The following BCKDHB variants were observed in gnomAD, a reference collection of about 807,000 sequenced individuals.
BCKDHB encodes the protein branched chain keto acid dehydrogenase E1 subunit beta.
BCKDHB carries 41 observed loss-of-function variants against 48.5 expected under a neutral mutation model. The ratio of observed to expected loss-of-function variants is 0.85; its 90% CI spans 0.66 to 1.10. BCKDHB has a LOEUF of 1.10. Among genes scored for constraint, BCKDHB ranks in the 50% least tolerant of loss-of-function variants. BCKDHB has a pLI of 0.00. For missense variants in BCKDHB, 496 were observed against 494.2 expected, an observed-to-expected ratio of 1.00 and a Z score of -0.03; for synonymous variants, 201 against 174.8, an observed-to-expected ratio of 1.15 and a Z score of -1.18.
intron 8 of BCKDHB, among the ~76,000 whole-genome samples, chr6:80,260,536 A>T (rs1777255978): frequency 6.6e-6 from 1 of 152,178 alleles, no homozygotes; most frequent in Non-Finnish European, 1.5e-5. Context: ...GAGCCATAGA[A>T]TCCTTTTTCC....
At chr6:80,328,930 A>G (rs749040942) in intron 9 of BCKDHB, among the ~76,000 whole-genome samples, 7 of 152,122 alleles carry the variant, frequency 4.6e-5, no homozygotes, top group Middle Eastern at 3.2e-3. Flanking sequence ...TAAAAATACA[A>G]TCTTTGTGCA....
At chr6:80,194,902 C>A (rs184276707) in intron 6 of BCKDHB, among the ~76,000 whole-genome samples, 2 of 152,284 alleles carry the variant, frequency 1.3e-5, no homozygotes, top group Admixed American at 6.5e-5. Context: ...CTCAGTAAAA[C>A]CTTGTCATGC....
intron 8 of BCKDHB, among the ~76,000 whole-genome samples, chr6:80,208,053 A>T (rs1024590181): frequency 6.6e-6 from 1 of 151,832 alleles, no homozygotes; most frequent in Admixed American, 6.6e-5. Flanking sequence ...AATATGTAGC[A>T]TTTGTCAAAA....
the BCKDHB span, among the ~76,000 whole-genome samples, chr6:80,446,055 T>G: frequency 2.6e-4 from 39 of 152,296 alleles, no homozygotes; most frequent in African/African-American, 8.7e-4. Context: ...TGAGATTTGT[T>G]TGGAAAAATG....
chr6:80,385,424 G>A, the BCKDHB span, among the ~76,000 whole-genome samples: 1 of 152,230 alleles, frequency 6.6e-6, no homozygotes, highest in African/African-American at 2.4e-5. Context: ...GAATGCGGAT[G>A]TGTGGGAGGA....
At chr6:80,414,018 T>C in the BCKDHB span, among the ~76,000 whole-genome samples, 3 of 152,184 alleles carry the variant, frequency 2.0e-5, no homozygotes, top group Non-Finnish European at 4.4e-5. Context: ...TGGTATCTCG[T>C]TGTAGTTTGA....
At chr6:80,329,025 G>A (rs1262572585) in intron 9 of BCKDHB, among the ~76,000 whole-genome samples, 5 of 152,086 alleles carry the variant, frequency 3.3e-5, no homozygotes, top group Admixed American at 6.5e-5. Context: ...GAAATAGGGA[G>A]TGGAAACCAG....
intron 3 of BCKDHB, among the ~76,000 whole-genome samples, chr6:80,157,513 T>A (rs1315411522): frequency 7.2e-6 from 1 of 138,938 alleles, no homozygotes; most frequent in Non-Finnish European, 1.5e-5. Flanking sequence ...TTGCCAAGGC[T>A]GGAATGCAAT....
At chr6:80,367,627 A>G in the BCKDHB span, among the ~76,000 whole-genome samples, 2 of 152,260 alleles carry the variant, frequency 1.3e-5, no homozygotes, top group African/African-American at 4.8e-5. Flanking sequence ...TTTGAACATC[A>G]TTGATTTCTT....
intron 8 of BCKDHB, among the ~76,000 whole-genome samples, chr6:80,235,274 A>G (rs1449056040): frequency 6.6e-6 from 1 of 152,214 alleles, no homozygotes; most frequent in African/African-American, 2.4e-5. Flanking sequence ...TGCCCCATAA[A>G]TATGTACAAC....
At chr6:80,254,899 C>T (rs1776985628) in intron 8 of BCKDHB, among the ~76,000 whole-genome samples, 1 of 152,148 alleles carries the variant, frequency 6.6e-6, no homozygotes, top group Admixed American at 6.5e-5. Context: ...CTGTTATCTT[C>T]AGCCAGATAG....
the BCKDHB span, among the ~76,000 whole-genome samples, chr6:80,365,108 T>C: frequency 6.6e-6 from 1 of 151,856 alleles, no homozygotes; most frequent in Admixed American, 6.6e-5. Context: ...CTAACAAAGA[T>C]CACATGCTTC....
At chr6:80,176,902 C>G (rs943249784) in intron 6 of BCKDHB, among the ~76,000 whole-genome samples, 2 of 152,118 alleles carry the variant, frequency 1.3e-5, no homozygotes, top group African/African-American at 4.8e-5. Flanking sequence ...CCCATGTAGA[C>G]TTTAAATATT....
chr6:80,404,560 C>T, the BCKDHB span, among the ~76,000 whole-genome samples: 1 of 151,770 alleles, frequency 6.6e-6, no homozygotes, highest in Non-Finnish European at 1.5e-5. Context: ...GCCTCTATCT[C>T]GTTTCTTTCT....
chr6:80,245,081 C>G (rs372893440), intron 8 of BCKDHB, among the ~76,000 whole-genome samples: 129 of 45,598 alleles, frequency 2.8e-3, no homozygotes, highest in African/African-American at 0.011. Flanking sequence ...TCTTTATCTT[C>G]TGTGATTTTT....
intron 8 of BCKDHB, among the ~76,000 whole-genome samples, chr6:80,212,084 A>G (rs112102859): frequency 0.028 from 4,271 of 152,230 alleles, 215 homozygotes; most frequent in African/African-American, 0.098. Flanking sequence ...CAAAGGGCAA[A>G]AGCAGAACTA....
At chr6:80,133,778 G>A (rs189961743) in intron 3 of BCKDHB, among the ~76,000 whole-genome samples, 132 of 152,144 alleles carry the variant, frequency 8.7e-4, no homozygotes, top group African/African-American at 3.1e-3. Context: ...AAGTAGCTGG[G>A]ACTACAGGTG....
chr6:80,335,092 C>G (rs1769507619), intron 9 of BCKDHB, among the ~76,000 whole-genome samples: 1 of 151,746 alleles, frequency 6.6e-6, no homozygotes, highest in African/African-American at 2.4e-5. Flanking sequence ...TAATGTAGCT[C>G]TAATCTTTCA....
the BCKDHB span, among the ~76,000 whole-genome samples, chr6:80,381,215 G>T: frequency 1.3e-5 from 2 of 151,754 alleles, no homozygotes; most frequent in African/African-American, 2.4e-5. Context: ...CTGAACAAAG[G>T]TATACCGTCC....
Sources: allele counts gnomAD v4.1 joint callset (sites outside exome capture counted in the v4.1 genomes callset), GRCh38; gene constraint gnomAD v4.1.1; transcripts MANE v1.5; gene names NCBI Gene and HGNC (gene_info 2026-07-23, HGNC 2026-07-21).